Variants in SDHA observed in about 807,000 individuals in gnomAD.
SDHA encodes succinate dehydrogenase complex flavoprotein subunit A.
SDHA carries 48 observed loss-of-function variants against 78.4 expected under a neutral mutation model. That is an observed-to-expected ratio of 0.61 (90% CI 0.49 to 0.78). The LOEUF (loss-of-function observed/expected upper bound fraction) is 0.78, where lower values mean the gene tolerates loss of function less well. SDHA is among the 30% of genes least tolerant of loss of function. The pLI is 0.00. For synonymous variants in SDHA, 326 were observed against 353.9 expected (o/e 0.92, Z 0.88); for missense variants, 680 against 892.7 (o/e 0.76, Z 3.04).
At chr5:229,596 A>G (rs370127365) in intron 6 of SDHA, among the ~76,000 whole-genome samples, 4 of 152,232 alleles carry the variant, frequency 2.6e-5, no homozygotes, top group African/African-American at 9.6e-5. Context: ...GGCTGGGGGA[A>G]TGCAGACTGT....
chr5:221,055 C>G (rs1193032586), intron 1 of SDHA, among the ~76,000 whole-genome samples: 11 of 152,020 alleles, frequency 7.2e-5, no homozygotes, highest in African/African-American at 2.7e-4. Flanking sequence ...CCTCGTGATC[C>G]GCCCGCCTCG....
chr5:257,289 G>A (rs531516818), downstream of SDHA, among the ~76,000 whole-genome samples: 2 of 152,280 alleles, frequency 1.3e-5, no homozygotes, highest in African/African-American at 4.8e-5. Flanking sequence ...CGCACAGTAG[G>A]AGGTGAGCAG....
At chr5:222,754 T>C (rs1734792067) in intron 1 of SDHA, among the ~76,000 whole-genome samples, 1 of 152,204 alleles carries the variant, frequency 6.6e-6, no homozygotes, top group African/African-American at 2.4e-5. Context: ...ATATGGACAG[T>C]GTCACCTCTC....
intron 11 of SDHA, chr5:249,674 C>A (rs1271453013): frequency 6.6e-6 from 1 of 152,340 alleles, no homozygotes; most frequent in Non-Finnish European, 1.5e-5. Context: ...GTTCAAGGCT[C>A]TCAGCTCTGA....
chr5:243,337 G>A (rs762479570), intron 11 of SDHA, among the ~76,000 whole-genome samples: 29 of 138,038 alleles, frequency 2.1e-4, no homozygotes, highest in Non-Finnish European at 2.8e-4. Context: ...TGACTTGGAC[G>A]CTCTTACTTG....
intron 13 of SDHA, among the ~76,000 whole-genome samples, chr5:252,751 C>T (rs796903394): frequency 0.015 from 1,576 of 102,304 alleles, 2 homozygotes; most frequent in African/African-American, 0.079. Flanking sequence ...AGTAAGTCAC[C>T]GTTTCATACC....
intron 1 of SDHA, among the ~76,000 whole-genome samples, 168 bp from the exon 2 acceptor site, chr5:223,314 G>T (rs1334354724): frequency 6.6e-6 from 1 of 152,190 alleles, no homozygotes; most frequent in Non-Finnish European, 1.5e-5. Flanking sequence ...CTTGCCCCTT[G>T]GGCTGCCTTC....
intron 10 of SDHA, among the ~76,000 whole-genome samples, chr5:238,553 A>G (rs1735929592): frequency 6.6e-6 from 1 of 151,942 alleles, no homozygotes; most frequent in Non-Finnish European, 1.5e-5. Context: ...AATGTTTTGT[A>G]GGGACAGGGT....
chr5:260,846 C>A (rs372689244), downstream of SDHA, among the ~76,000 whole-genome samples: 1 of 6,900 alleles, frequency 1.4e-4, no homozygotes, highest in East Asian at 1.1e-3. Context: ...CCGCCTCCCG[C>A]CAGAGCATTA....
Position 251,860 on chromosome 5 carries a change from G to A in SDHA, c.1794+392G>A, listed in dbSNP as rs565037926. On this transcript the variant is annotated intron_variant, in intron 13 of 14. Coordinates refer to ENST00000264932, the MANE Select transcript of SDHA (RefSeq NM_004168.4). ...TTTATTAAATAACGAGTAAGCCACCGTTTCAAACCTGCCCTGTGGAGGAAA... is the reference window on the plus strand; with the variant it reads ...TTTATTAAATAACGAGTAAGCCACCATTTCAAACCTGCCCTGTGGAGGAAA... The A allele has an allele frequency of 1.1e-4, 45 of 407,580 alleles. No individual in the cohort carries two copies. In the East Asian group the frequency reaches 1.7e-3, roughly 15 times the overall value. 25.2% of individuals were successfully genotyped at this position (407,580 alleles called of 1,614,324 possible). A position where few individuals can be genotyped will look rare whatever the true frequency, so the allele number is the denominator to read the frequency against.
rs1735703214 is a variant in SDHA at position 235,273 on chromosome 5, G to A, written c.1194G>A (p.Glu398=). The change falls in exon 9 of 15, where the codon GAG becomes GAA. Residue 398 remains glutamate (E), a synonymous_variant. Transcript: ENST00000264932. ...MIFAGVDVTK[E]PIPVLPTVHY... is the part of the protein sequence containing the mutation. Reference sequence around the variant, plus strand: ...TCGCTGGCGTGGACGTCACGAAGGAGCCGATCCCTGTCCTCCCCACCGTGC... The same window carrying A: ...TCGCTGGCGTGGACGTCACGAAGGAACCGATCCCTGTCCTCCCCACCGTGC... The A allele has an allele frequency of 6.2e-7, 1 of 1,613,962 alleles. No individual in the cohort carries two copies. Among genetic ancestry groups the A allele is most frequent in the Admixed American group, 1.7e-5 (1 of 59,992 alleles).
the SDHA span, among the ~76,000 whole-genome samples, chr5:266,874 G>A: frequency 7.4e-5 from 7 of 94,108 alleles, no homozygotes; most frequent in East Asian, 1.1e-3. Context: ...CACGGTGGCC[G>A]CTGTGTCTAA....
chr5:220,576 T>G (rs1734656111), intron 1 of SDHA, among the ~76,000 whole-genome samples: 1 of 152,184 alleles, frequency 6.6e-6, no homozygotes, highest in Admixed American at 6.5e-5. Flanking sequence ...TTGTGACTTG[T>G]TTTTTGATAT....
intron 1 of SDHA, chr5:220,230 T>C (rs1734637452): frequency 2.4e-6 from 1 of 415,236 alleles, no homozygotes; most frequent in African/African-American, 2.1e-5. Flanking sequence ...GGTTTCTTTT[T>C]ATGGCCCAGT....
At chr5:235,383 G>C (rs1735714059) in intron 9 of SDHA, 44 bp downstream of exon 9, 1 of 1,589,846 alleles carries the variant, frequency 6.3e-7, no homozygotes, top group Non-Finnish European at 8.6e-7. Context: ...AGAAGGCTGG[G>C]ACGACGGGGC....
At chr5:239,880 A>G (rs768334749) in intron 10 of SDHA, among the ~76,000 whole-genome samples, 2 of 151,206 alleles carry the variant, frequency 1.3e-5, no homozygotes, top group African/African-American at 4.9e-5. Flanking sequence ...AGCAGTTCTC[A>G]TGCCTCAGCC....
intron 11 of SDHA, among the ~76,000 whole-genome samples, chr5:242,977 T>G (rs181869651): frequency 6.6e-6 from 1 of 152,144 alleles, no homozygotes; most frequent in Non-Finnish European, 1.5e-5. Flanking sequence ...ACCCCCTCCT[T>G]ATTTTGAAGA....
intron 1 of SDHA, among the ~76,000 whole-genome samples, 171 bp downstream of exon 1, chr5:218,589 G>C (rs1461642957): frequency 6.6e-6 from 1 of 152,186 alleles, no homozygotes; most frequent in South Asian, 2.1e-4. Context: ...GAAGCCGCGG[G>C]GCGGACTCGG....
At chr5:228,163 C>CA in intron 5 of SDHA, 22 bp from the exon 6 acceptor site, 5 of 1,598,978 alleles carry the variant, frequency 3.1e-6, no homozygotes, top group Non-Finnish European at 4.3e-6. Context: ...ACTTCTTGCC[C>CA]TTTTTTTTTC....
Sources: gnomAD v4.1 joint callset for allele counts (sites outside exome capture counted in the v4.1 genomes callset) on GRCh38, gnomAD v4.1.1 for gene constraint, MANE v1.5 for transcripts, NCBI Gene and HGNC (gene_info 2026-07-23, HGNC 2026-07-21) for gene names.